Variants in UGGT1 observed in about 807,000 individuals in gnomAD.
UGGT1 encodes the protein UDP-glucose glycoprotein glucosyltransferase 1, also known as UDP-glucose:glycoprotein glucosyltransferase 1.
UGGT1 carries 107 observed loss-of-function variants against 203.9 expected under a neutral mutation model. The ratio of observed to expected loss-of-function variants is 0.52; its 90% CI spans 0.45 to 0.62. UGGT1 has a LOEUF of 0.62. Among genes scored for constraint, UGGT1 ranks in the 20% least tolerant of loss-of-function variants. The pLI is 0.00. For synonymous variants in UGGT1, 628 were observed against 653.5 expected, an observed-to-expected ratio of 0.96 and a Z score of 0.59; for missense variants, 1,673 against 1,867.2, an observed-to-expected ratio of 0.90 and a Z score of 1.92.
At chr2:128,122,533 TA>T (rs67124308) in intron 10 of UGGT1, among the ~76,000 whole-genome samples, 21,683 of 136,776 alleles carry the variant, frequency 0.16, 1,597 homozygotes, top group Non-Finnish European at 0.18. Context: ...AAACTCCGTC[TA>T]AAAAAAAAAA....
chr2:128,133,460 A>G (rs1281274953), intron 14 of UGGT1, among the ~76,000 whole-genome samples, 200 bp downstream of exon 14: 1 of 152,226 alleles, frequency 6.6e-6, no homozygotes, highest in African/African-American at 2.4e-5. Context: ...TAACAGGAGC[A>G]TTACAGCCCC....
intron 4 of UGGT1, among the ~76,000 whole-genome samples, chr2:128,108,783 T>C (rs1162687411): frequency 6.6e-6 from 1 of 152,180 alleles, no homozygotes; most frequent in Non-Finnish European, 1.5e-5. Context: ...CCGTGTACTT[T>C]GTCCTGATTG....
rs1002946848 is a variant in UGGT1, at chr2:128,161,162, G to C, written c.2719G>C (p.Glu907Gln). Residue 907 changes from glutamate (E) to glutamine (Q), a missense_variant, in exon 25 of 41, where the codon GAG (glutamate) becomes CAG (glutamine). Around this residue, in one of 4 missense-constraint regions of UGGT1, gnomAD observed 1,073 missense variants for 1,078.7 expected, o/e 0.99. Coordinates refer to ENST00000259253, the MANE Select transcript of UGGT1 (RefSeq NM_020120.4). ...GRIIGPLEDSELFNQDDFHLL... is the reference protein window; with the variant it reads ...GRIIGPLEDSQLFNQDDFHLL... The stretch of plus-strand genomic sequence containing the variant: ...GATCATTGGGCCACTGGAGGATAGT[G>C]AGCTCTTTAATCAAGACGATTTCCA... 6.2e-7 allele frequency: 1 copy of C among 1,613,864 alleles called. No individual in the cohort carries two copies. Among genetic ancestry groups the C allele is most frequent in the Non-Finnish European group, 8.5e-7 (1 of 1,179,978 alleles).
intron 29 of UGGT1, 46 bp from the exon 30 acceptor site, chr2:128,173,735 C>G: frequency 6.3e-7 from 1 of 1,593,346 alleles, no homozygotes; most frequent in Non-Finnish European, 8.6e-7. Context: ...CAGATTTATT[C>G]ATGTTGTCTC....
At position 128,157,232 on chromosome 2, in the gene UGGT1, C is replaced by T. The variant is rs1406022898; in HGVS notation, c.2261-20C>T. The T allele has an allele frequency of 6.4e-7, 1 of 1,565,928 alleles. No homozygotes were observed. The highest frequency in any genetic ancestry group is 1.7e-5 in the Admixed American group (1 of 59,902). Reference sequence around the variant, plus strand: ...TGCTTCTCTCCTCTGACTCAATTAGCTGTTTTTGTTTTTCTACAGATGATT... The same window carrying T: ...TGCTTCTCTCCTCTGACTCAATTAGTTGTTTTTGTTTTTCTACAGATGATT... On this transcript the variant is annotated intron_variant, in intron 21 of 40. Transcript: ENST00000259253.
At chr2:128,151,490 T>C (rs1689972021) in intron 18 of UGGT1, among the ~76,000 whole-genome samples, 1 of 152,214 alleles carries the variant, frequency 6.6e-6, no homozygotes, top group Non-Finnish European at 1.5e-5. Flanking sequence ...CAGTGAGCCA[T>C]CTAATATCTT....
chr2:128,144,392 A>G (rs1354790397), intron 17 of UGGT1, among the ~76,000 whole-genome samples: 2 of 152,178 alleles, frequency 1.3e-5, no homozygotes, highest in East Asian at 1.9e-4. Context: ...ACATAGTCCA[A>G]ACACCTCCCT....
At chr2:128,143,313 T>A (rs180697290) in intron 17 of UGGT1, 88 bp downstream of exon 17, 134 of 1,410,264 alleles carry the variant, frequency 9.5e-5, no homozygotes, top group Middle Eastern at 7.5e-4. Context: ...ATAATGGCGA[T>A]GGTGGTTAAA....
rs535738069 is a variant in UGGT1 at position 128,125,756 on chromosome 2, T to A, written c.1135-1605T>A. On this transcript the variant is annotated intron_variant, in intron 11 of 40. Transcript: ENST00000259253. ...GATAAATAAATGTTTCTCAAATGTTTACTAAATTGAAAAACCTTATTGGGA... is the reference window on the plus strand; with the variant it reads ...GATAAATAAATGTTTCTCAAATGTTAACTAAATTGAAAAACCTTATTGGGA... Among the ~76,000 whole-genome samples, 6 of 152,300 alleles carry A rather than the reference T, an allele frequency of 3.9e-5. No individual in the cohort carries two copies. In the South Asian group the frequency reaches 8.3e-4, roughly 21 times the overall value.
intron 23 of UGGT1, 121 bp downstream of exon 23, chr2:128,159,841 AT>A (rs368926268): frequency 0.04 from 32,931 of 825,128 alleles, 252 homozygotes; most frequent in Non-Finnish European, 0.045. Context: ...GTCTCAGGGA[AT>A]TTTTTTTTTT....
intron 11 of UGGT1, among the ~76,000 whole-genome samples, chr2:128,124,007 G>A (rs938072504): frequency 6.6e-6 from 1 of 152,060 alleles, no homozygotes; most frequent in African/African-American, 2.4e-5. Context: ...GTGCAGTGGC[G>A]TGATCTCAGC....
Position 128,190,022 on chromosome 2 carries a change from C to A in UGGT1, c.*280C>A, listed in dbSNP as rs944045863. On this transcript the variant is annotated 3_prime_UTR_variant, in exon 41 of 41. Coordinates refer to ENST00000259253, the MANE Select transcript of UGGT1 (RefSeq NM_020120.4). ...TAGTCAGAGGGTGGAATGGCAGCAG[C>A]AACTGGAAGAAAATGAGTTTTTTGG... is the stretch of plus-strand genomic sequence containing the variant. The A allele has an allele frequency of 8.7e-6, 3 of 343,660 alleles. No homozygotes were observed. Among genetic ancestry groups the A allele is most frequent in the Admixed American group, 4.2e-5 (1 of 24,026 alleles). The allele number at this position is 343,660 out of a possible 1,614,324, so 21.3% of individuals were successfully genotyped here.
At chr2:128,174,709 G>C in intron 30 of UGGT1, 64 bp from the exon 31 acceptor site, 1 of 1,269,100 alleles carries the variant, frequency 7.9e-7, no homozygotes, top group Non-Finnish European at 1.1e-6. Flanking sequence ...AGAAGTAACT[G>C]TTCCTCAGAA....
chr2:128,116,297 A>G lies in UGGT1; in HGVS notation c.826A>G (p.Asn276Asp). 6.2e-7 allele frequency: 1 copy of G among 1,611,726 alleles called. No homozygotes were observed. The highest frequency in any genetic ancestry group is 8.5e-7 in the Non-Finnish European group (1 of 1,177,936). Residue 276 changes from asparagine (N) to aspartate (D), a missense_variant, in exon 8 of 41, where the codon AAT becomes GAT. Asn to Asp is a conservative substitution (Grantham distance 23, BLOSUM62 1). Coordinates refer to ENST00000259253, the MANE Select transcript of UGGT1 (RefSeq NM_020120.4). ...GGTAAACACCACAGTGATTGGTGAA[A>G]ATGATCCTATTGATGAGGTTCAGGG... ...TEVNTTVIGE[N>D]DPIDEVQGFL...
rs114569611 is a variant in UGGT1 at position 128,162,232 on chromosome 2, G to A, written c.2825+964G>A. ...TTTAATTGCGTTTTTTTTTTTTGTC[G>A]TTGAGATGTAGCAGTTCTTTATACA... On this transcript the variant is annotated intron_variant, in intron 25 of 40. Transcript: ENST00000259253. Among the ~76,000 whole-genome samples the A allele has an allele frequency of 4.1e-3, 614 of 148,334 alleles. 2 individuals are homozygous for A. Among genetic ancestry groups the A allele is most frequent in the African/African-American group, 0.014 (576 of 40,232 alleles).
At chr2:128,110,748 A>G (rs73955909) in intron 5 of UGGT1, among the ~76,000 whole-genome samples, 222 of 152,248 alleles carry the variant, frequency 1.5e-3, no homozygotes, top group African/African-American at 4.9e-3. Flanking sequence ...AGGTAGTTTT[A>G]TTTTTATAAA....
At chr2:128,099,532 G>T (rs563350161) in intron 2 of UGGT1, among the ~76,000 whole-genome samples, 1 of 152,270 alleles carries the variant, frequency 6.6e-6, no homozygotes, top group Non-Finnish European at 1.5e-5. Flanking sequence ...TGAACGAATG[G>T]TTGCACCTCT....
chr2:128,148,916 G>A (rs1041366108), intron 18 of UGGT1, among the ~76,000 whole-genome samples: 1 of 152,204 alleles, frequency 6.6e-6, no homozygotes. Flanking sequence ...CCCAAATAAA[G>A]AGAACCCCTG....
At chr2:128,172,877 A>C in intron 29 of UGGT1, 115 bp downstream of exon 29, 1 of 988,028 alleles carries the variant, frequency 1.0e-6, no homozygotes, top group Non-Finnish European at 1.5e-6. Context: ...TTTTTTAAAC[A>C]ACAGCTTTAT....
Sources: allele counts gnomAD v4.1 joint callset (sites outside exome capture counted in the v4.1 genomes callset), GRCh38; gene constraint gnomAD v4.1.1; regional missense constraint gnomAD v4.1.1; transcripts MANE v1.5; gene names NCBI Gene and HGNC (gene_info 2026-07-23, HGNC 2026-07-21).